The following PPIL2 variants were observed in gnomAD, a reference collection of about 807,000 sequenced individuals.
PPIL2 encodes RING-type E3 ubiquitin-protein ligase PPIL2.
In PPIL2, 50 loss-of-function variants were observed where a neutral mutation model predicts 75.2. That is an observed-to-expected ratio of 0.66 (90% CI 0.53 to 0.84). The LOEUF (loss-of-function observed/expected upper bound fraction) is 0.84, where lower values mean the gene tolerates loss of function less well. Among genes scored for constraint, PPIL2 ranks in the 40% least tolerant of loss-of-function variants. The pLI is 0.00. For synonymous variants in PPIL2, 245 were observed against 258.8 expected (o/e 0.95, Z 0.51); for missense variants, 590 against 685.0 (o/e 0.86, Z 1.55).
At chr22:21,697,973 CTG>C (rs2068003824), downstream of PPIL2, 1 of 152,356 alleles carries the variant, frequency 6.6e-6, no homozygotes, top group East Asian at 1.9e-4. Flanking sequence ...ATAAAAAATA[CTG>C]TGTGTATAAA....
chr22:21,692,293 C>T (rs2067685622), intron 15 of PPIL2, among the ~76,000 whole-genome samples: 2 of 151,952 alleles, frequency 1.3e-5, no homozygotes, highest in East Asian at 2.0e-4. Flanking sequence ...GTAGCTGGGA[C>T]TACAGGCGCC....
At position 21,684,882 on chromosome 22, in the gene PPIL2, C is replaced by T. The variant is rs372633630; in HGVS notation, c.683C>T (p.Pro228Leu). The change falls in exon 10 of 20, where the codon CCG (proline) becomes CTG (leucine). Residue 228 changes from proline (P) to leucine (L), a missense_variant. Transcript: ENST00000398831. Reference sequence around the variant, plus strand: ...ATTCTGGCAGCCACCATGAAGGCCCCGGAGAAGAAGAAAGTGGACAAGCTG... The same window carrying T: ...ATTCTGGCAGCCACCATGAAGGCCCTGGAGAAGAAGAAAGTGGACAAGCTG... ...DEILAATMKA[P>L]EKKKVDKLNA... 2.5e-5 allele frequency: 40 copies of T among 1,613,904 alleles called. No individual in the cohort carries two copies. Among genetic ancestry groups the T allele is most frequent in the Non-Finnish European group, 3.1e-5 (36 of 1,179,928 alleles).
In PPIL2 at chr22:21,693,176, T is replaced by C. The variant is rs549331277; in HGVS notation, c.1140-640T>C. On this transcript the variant is annotated intron_variant, in intron 15 of 19. Transcript: ENST00000398831. Reference sequence around the variant, plus strand: ...GATTCTCCTGCCTTGGCCTCCTAAGTAGTTGGGACTACAGGCACACGCCAC... The same window carrying C: ...GATTCTCCTGCCTTGGCCTCCTAAGCAGTTGGGACTACAGGCACACGCCAC... Among the ~76,000 whole-genome samples, 5 of 152,078 alleles carry C rather than the reference T, an allele frequency of 3.3e-5. No individual in the cohort carries two copies. The South Asian group carries it at 1.0e-3, about 32-fold the overall frequency.
intron 15 of PPIL2, among the ~76,000 whole-genome samples, chr22:21,692,249 A>G (rs754954080): frequency 6.5e-4 from 97 of 149,856 alleles, no homozygotes; most frequent in East Asian, 3.0e-3. Flanking sequence ...TCCGCCTCCC[A>G]GGTTCATGCC....
chr22:21,698,234 T>C (rs1243562600), downstream of PPIL2: 1 of 123,520 alleles, frequency 8.1e-6, no homozygotes, highest in East Asian at 2.1e-4. Context: ...AAAAAAAAAG[T>C]GATAAAAGTG....
In PPIL2 at chr22:21,688,728, C is replaced by G. The variant is rs774807453; in HGVS notation, c.1022-4C>G. 2.5e-6 allele frequency: 4 copies of G among 1,613,868 alleles called. No homozygotes were observed. Among genetic ancestry groups the G allele is most frequent in the Middle Eastern group, 1.7e-4 (1 of 6,060 alleles). ...TCCTGCTCCCATGGGCCTTTCTCTT[C>G]CAGGTGGGGAGTCATACTGGGGGAA... On this transcript the variant is annotated splice_polypyrimidine_tract_variant and splice_region_variant and intron_variant, in intron 14 of 19. Transcript: ENST00000398831.
At chr22:21,667,655 A>G (rs1160655790) in intron 1 of PPIL2, among the ~76,000 whole-genome samples, 1 of 151,714 alleles carries the variant, frequency 6.6e-6, no homozygotes, top group Non-Finnish European at 1.5e-5. Context: ...TTCCATAAAC[A>G]TTCTCTGTGG....
chr22:21,695,801 T>G lies in PPIL2; in HGVS notation c.*311T>G. Reference sequence around the variant, plus strand: ...CCCTCTAGTAGGCAGGCCAGGTTAGTGAGGAAGGACTGTGTCTCCAGATTG... The same window carrying G: ...CCCTCTAGTAGGCAGGCCAGGTTAGGGAGGAAGGACTGTGTCTCCAGATTG... On this transcript the variant is annotated 3_prime_UTR_variant, in exon 20 of 20. Transcript: ENST00000398831. 8.3e-6 allele frequency: 10 copies of G among 1,209,548 alleles called. No individual in the cohort carries two copies. Among genetic ancestry groups the G allele is most frequent in the Non-Finnish European group, 1.0e-5 (10 of 960,762 alleles). The allele number at this position is 1,209,548 out of a possible 1,614,324, so 74.9% of individuals were successfully genotyped here. A position where few individuals can be genotyped will look rare whatever the true frequency, so the allele number is the denominator to read the frequency against.
At position 21,686,998 on chromosome 22, in the gene PPIL2, G is replaced by A; in HGVS notation, c.897G>A (p.Leu299=). ...TCAACCTGGAGCTGCACTGCGACCT[G>A]GTGGGTGTGGAGGCCAGCCACTCCC... ...GDLNLELHCD[L]TPKTCENFIR... is the part of the protein sequence containing the mutation. The change falls in exon 12 of 20, where the codon CTG becomes CTA. Residue 299 remains leucine, a splice_region_variant and synonymous_variant. Transcript: ENST00000398831. 1 of 1,613,444 alleles carries A rather than the reference G, an allele frequency of 6.2e-7. No individual in the cohort carries two copies. Among genetic ancestry groups the A allele is most frequent in the Non-Finnish European group, 8.5e-7 (1 of 1,179,852 alleles).
In PPIL2 at chr22:21,666,081, T is replaced by TCGC. The variant is rs746580034; in HGVS notation, c.-9_-7dup. The TCGC allele has an allele frequency of 2.5e-6, 4 of 1,611,772 alleles. No individual in the cohort carries two copies. In the African/African-American group the frequency reaches 4.0e-5, roughly 16 times the overall value. On this transcript the variant is annotated 5_prime_UTR_variant, in exon 1 of 20. Coordinates refer to ENST00000398831, the MANE Select transcript of PPIL2 (RefSeq NM_014337.4). ...GCCGTTGTTTTTTCGTGCTCGCTAG[T>TCGC]CGCCGCCGCCGCTCCGCCATGGGGA...
At chr22:21,680,263 A>G (rs1483477756) in intron 6 of PPIL2, among the ~76,000 whole-genome samples, 2 of 152,194 alleles carry the variant, frequency 1.3e-5, no homozygotes, top group Non-Finnish European at 2.9e-5. Context: ...GCAGTGGCTC[A>G]TGCCTGTAAT....
intron 13 of PPIL2, 137 bp downstream of exon 13, chr22:21,687,869 TG>T (rs1238809709): frequency 5.6e-6 from 6 of 1,074,946 alleles, no homozygotes; most frequent in Non-Finnish European, 8.2e-6. Context: ...GATCCTCTGT[TG>T]GGGAACCCAT....
At chr22:21,671,461 G>C (rs2066631014) in intron 4 of PPIL2, among the ~76,000 whole-genome samples, 1 of 152,218 alleles carries the variant, frequency 6.6e-6, no homozygotes, top group Non-Finnish European at 1.5e-5. Context: ...TGTGAACACT[G>C]TGAAGTGTTG....
intron 10 of PPIL2, chr22:21,685,681 A>G (rs1569035489): frequency 4.4e-6 from 2 of 453,330 alleles, no homozygotes; most frequent in East Asian, 1.4e-4. Flanking sequence ...TCCTGGCTTC[A>G]AGTGAGAGCC....
At chr22:21,685,614 C>CTTTTT in intron 10 of PPIL2, 1 of 417,514 alleles carries the variant, frequency 2.4e-6, no homozygotes, top group Non-Finnish European at 4.8e-6. Context: ...TGATATATTA[C>CTTTTT]TTTTTTTTTT....
Position 21,666,048 on chromosome 22 carries a change from A to C in PPIL2, c.-52A>C. 1.9e-6 allele frequency: 3 copies of C among 1,601,864 alleles called. No homozygotes were observed. Among genetic ancestry groups the C allele is most frequent in the South Asian group, 1.1e-5 (1 of 90,006 alleles). ...AACTCGGCTGCGGCTCCATGGTCTG[A>C]GTTGTCAGCCGTTGTTTTTTCGTGC... On this transcript the variant is annotated 5_prime_UTR_variant, in exon 1 of 20. It removes the in-frame stop codon of an upstream open reading frame in the 5' UTR. Transcript: ENST00000398831.
rs1469309883 is a variant in PPIL2 at position 21,695,815 on chromosome 22, G to C, written c.*325G>C. ...GGCCAGGTTAGTGAGGAAGGACTGT[G>C]TCTCCAGATTGTGGTTTCCTCTTTA... is the stretch of plus-strand genomic sequence containing the variant. On this transcript the variant is annotated 3_prime_UTR_variant, in exon 20 of 20. Coordinates refer to ENST00000398831, the MANE Select transcript of PPIL2 (RefSeq NM_014337.4). 33 of 1,183,412 alleles carry C rather than the reference G, an allele frequency of 2.8e-5. No homozygotes were observed. The Admixed American group carries it at 1.3e-3, about 48-fold the overall frequency. 73.3% of individuals were successfully genotyped at this position (1,183,412 alleles called of 1,614,324 possible).
chr22:21,692,383 T>A (rs1430188193), intron 15 of PPIL2, among the ~76,000 whole-genome samples: 7 of 151,434 alleles, frequency 4.6e-5, no homozygotes, highest in Admixed American at 6.6e-5. Flanking sequence ...CTCGATCTCC[T>A]GACCTTGTGA....
intron 15 of PPIL2, among the ~76,000 whole-genome samples, chr22:21,692,296 C>T (rs1357334588): frequency 6.6e-6 from 1 of 152,002 alleles, no homozygotes; most frequent in Non-Finnish European, 1.5e-5. Context: ...GCTGGGACTA[C>T]AGGCGCCCGC....
Sources: gnomAD v4.1 joint callset for allele counts (sites outside exome capture counted in the v4.1 genomes callset) on GRCh38, gnomAD v4.1.1 for gene constraint, MANE v1.5 for transcripts, NCBI Gene and HGNC (gene_info 2026-07-23, HGNC 2026-07-21) for gene names.